Variants in RASGEF1A observed in about 807,000 individuals in gnomAD.
RASGEF1A encodes the protein RasGEF domain family member 1A.
RASGEF1A carries 18 observed loss-of-function variants against 56.4 expected under a neutral mutation model. The ratio of observed to expected loss-of-function variants is 0.32; its 90% CI spans 0.22 to 0.47. RASGEF1A has a LOEUF of 0.47. Among genes scored for constraint, RASGEF1A ranks in the 20% least tolerant of loss-of-function variants. The pLI is 1.00. For missense variants in RASGEF1A, 422 were observed against 627.1 expected (o/e 0.67, Z 3.49); for synonymous variants, 245 against 242.6 (o/e 1.01, Z -0.09).
rs189587950 is a variant in RASGEF1A, at chr10:43,254,500, G to A, written c.-7+12345C>T. Among the ~76,000 whole-genome samples the A allele has an allele frequency of 5.3e-5, 8 of 152,306 alleles. No individual in the cohort carries two copies. The East Asian group carries it at 1.2e-3, about 22-fold the overall frequency. ...TGGTCCTGCCTGCCCTCTCCACCTCGGGCCTCACGGCTGCACCGCTAACCC... is the reference window on the plus strand; with the variant it reads ...TGGTCCTGCCTGCCCTCTCCACCTCAGGCCTCACGGCTGCACCGCTAACCC... On this transcript the variant is annotated intron_variant, in intron 1 of 12. Coordinates refer to ENST00000395810, the MANE Select transcript of RASGEF1A (RefSeq NM_145313.4).
chr10:43,254,842 G>C (rs1030191004), intron 1 of RASGEF1A, among the ~76,000 whole-genome samples: 3 of 152,164 alleles, frequency 2.0e-5, no homozygotes, highest in Non-Finnish European at 4.4e-5. Flanking sequence ...AAAGGAGACA[G>C]TCCCTTTATG....
chr10:43,222,251 C>T (rs1013136132), intron 1 of RASGEF1A, among the ~76,000 whole-genome samples: 10 of 152,170 alleles, frequency 6.6e-5, no homozygotes, highest in Non-Finnish European at 8.8e-5. Flanking sequence ...TGGTGCATGA[C>T]GCTGTCTTTT....
chr10:43,263,583 G>A (rs529172121), intron 1 of RASGEF1A, among the ~76,000 whole-genome samples: 7 of 152,258 alleles, frequency 4.6e-5, no homozygotes, highest in Admixed American at 4.6e-4. Flanking sequence ...TCTGCTCCCT[G>A]AATTCACAAA....
At chr10:43,235,338 C>T (rs1840416395) in intron 1 of RASGEF1A, among the ~76,000 whole-genome samples, 1 of 152,184 alleles carries the variant, frequency 6.6e-6, no homozygotes, top group African/African-American at 2.4e-5. Flanking sequence ...CATCAAGATA[C>T]CATGGTGTAT....
chr10:43,229,494 C>T, intron 1 of RASGEF1A: 1 of 589,728 alleles, frequency 1.7e-6, no homozygotes, highest in Non-Finnish European at 2.8e-6. Context: ...CCAGCGGGGA[C>T]GCACAGAGGG....
intron 1 of RASGEF1A, among the ~76,000 whole-genome samples, chr10:43,216,019 G>A (rs1005995888): frequency 1.3e-5 from 2 of 152,166 alleles, no homozygotes; most frequent in Admixed American, 1.3e-4. Context: ...TAGATCTCTG[G>A]CAAACCCTCC....
intron 1 of RASGEF1A, among the ~76,000 whole-genome samples, chr10:43,218,315 C>A (rs1442126579): frequency 1.3e-5 from 2 of 152,254 alleles, no homozygotes; most frequent in Non-Finnish European, 2.9e-5. Flanking sequence ...CAGACAGCAA[C>A]AAGTGAGGAG....
chr10:43,200,868 C>G lies in RASGEF1A; in HGVS notation c.480G>C (p.Lys160Asn). The G allele has an allele frequency of 1.2e-6, 2 of 1,613,988 alleles. No homozygotes were observed. The highest frequency in any genetic ancestry group is 4.5e-5 in the East Asian group (2 of 44,872). ...QCDEENGTVK[K>N]AIAQMTQSLL... ...GGCTCTGTGTCATCTGGGCAATGGC[C>G]TTCTTCACTGTGCCATTCTCCTGTG... Residue 160 changes from lysine (K) to asparagine (N), a missense_variant, in exon 5 of 13, where the codon AAG (lysine) becomes AAC (asparagine). Lys to Asn is a moderately conservative substitution (Grantham distance 94, BLOSUM62 0). Transcript: ENST00000395810.
At position 43,208,597 on chromosome 10, in the gene RASGEF1A, G is replaced by A. The variant is rs544381067; in HGVS notation, c.-6-2475C>T. 57 of 985,710 alleles carry A rather than the reference G, an allele frequency of 5.8e-5. No homozygotes were observed. In the East Asian group the frequency reaches 1.2e-3, roughly 22 times the overall value. The allele number at this position is 985,710 out of a possible 1,614,324, so 61.1% of individuals were successfully genotyped here. ...GAGTCAGCAGAGCCTGAGGGGGACC[G>A]TGTGGAGCCGCACTGACCTGAGAGG... On this transcript the variant is annotated intron_variant, in intron 1 of 12. Coordinates refer to ENST00000395810, the MANE Select transcript of RASGEF1A (RefSeq NM_145313.4).
rs372519099 is a variant in RASGEF1A, at chr10:43,198,136, C to T, written c.1092G>A (p.Thr364=). The T allele has an allele frequency of 1.9e-5, 31 of 1,613,998 alleles. No homozygotes were observed. The African/African-American group carries it at 2.5e-4, about 13-fold the overall frequency. Residue 364 remains threonine (T), a synonymous_variant, in exon 10 of 13, where the codon ACG becomes ACA. Coordinates refer to ENST00000395810, the MANE Select transcript of RASGEF1A (RefSeq NM_145313.4). ...CNYRTALQGA[T]QRSQMANSSR... is the part of the protein sequence containing the mutation. Reference sequence around the variant, plus strand: ...TGCTGTTGGCCATCTGGGACCTCTGCGTGGCCCCCTGCAGGGCTGTACGGT... The same window carrying T: ...TGCTGTTGGCCATCTGGGACCTCTGTGTGGCCCCCTGCAGGGCTGTACGGT...
At chr10:43,243,727 G>C (rs1233720198) in intron 1 of RASGEF1A, among the ~76,000 whole-genome samples, 2 of 150,692 alleles carry the variant, frequency 1.3e-5, no homozygotes, top group East Asian at 3.9e-4. Context: ...TGGGAAGTGG[G>C]CGCCTCTGCC....
chr10:43,202,238 G>A (rs974799362), intron 3 of RASGEF1A, among the ~76,000 whole-genome samples: 4 of 152,198 alleles, frequency 2.6e-5, no homozygotes, highest in African/African-American at 4.8e-5. Flanking sequence ...GCTATAATTA[G>A]AAGTTACCCA....
intron 1 of RASGEF1A, among the ~76,000 whole-genome samples, chr10:43,233,241 G>A (rs1484602297): frequency 6.6e-6 from 1 of 152,198 alleles, no homozygotes; most frequent in African/African-American, 2.4e-5. Flanking sequence ...TTTGTTGACT[G>A]CTACATCCCA....
chr10:43,242,335 T>G (rs1221196804), intron 1 of RASGEF1A, among the ~76,000 whole-genome samples: 1 of 152,138 alleles, frequency 6.6e-6, no homozygotes, highest in African/African-American at 2.4e-5. Context: ...CAAACAAATA[T>G]ATACCTAACA....
intron 1 of RASGEF1A, among the ~76,000 whole-genome samples, chr10:43,246,166 G>A (rs757543192): frequency 2.0e-4 from 31 of 152,142 alleles, no homozygotes; most frequent in African/African-American, 3.9e-4. Flanking sequence ...AATTCAATTC[G>A]TAATAGCATC....
At chr10:43,200,918 G>A (rs759136248) in intron 4 of RASGEF1A, 30 bp from the exon 5 acceptor site, 28 of 1,593,406 alleles carry the variant, frequency 1.8e-5, no homozygotes, top group Non-Finnish European at 2.2e-5. Context: ...AAGGGTGCCA[G>A]CATGGGCTGG....
Position 43,200,891 on chromosome 10 carries a change from G to A in RASGEF1A, c.460-3C>T. ...GCCTTCTTCACTGTGCCATTCTCCT[G>A]TGGGGTCAAGGGCAATAAGGGTGCC... On this transcript the variant is annotated splice_region_variant and splice_polypyrimidine_tract_variant and intron_variant, in intron 4 of 12. Transcript: ENST00000395810. The A allele has an allele frequency of 6.2e-7, 1 of 1,613,148 alleles. No homozygotes were observed. The highest frequency in any genetic ancestry group is 8.5e-7 in the Non-Finnish European group (1 of 1,179,362).
At chr10:43,248,083 T>C (rs1228641978) in intron 1 of RASGEF1A, among the ~76,000 whole-genome samples, 1 of 147,428 alleles carries the variant, frequency 6.8e-6, no homozygotes, top group Non-Finnish European at 1.5e-5. Flanking sequence ...TGGCCGAGTG[T>C]GGTAGCTCAT....
intron 1 of RASGEF1A, among the ~76,000 whole-genome samples, chr10:43,264,725 T>A (rs1033167114): frequency 1.3e-5 from 2 of 151,826 alleles, no homozygotes; most frequent in Non-Finnish European, 2.9e-5. Flanking sequence ...CCATCTGCTA[T>A]CTGCTATGCC....
Sources: gnomAD v4.1 joint callset for allele counts (sites outside exome capture counted in the v4.1 genomes callset) on GRCh38, gnomAD v4.1.1 for gene constraint, MANE v1.5 for transcripts, NCBI Gene and HGNC (gene_info 2026-07-23, HGNC 2026-07-21) for gene names.